Variants in FANCD2 observed in about 807,000 individuals in gnomAD.
FANCD2 encodes the protein FA complementation group D2, also known as Fanconi anemia group D2 protein.
FANCD2 carries 131 observed loss-of-function variants against 192.3 expected under a neutral mutation model. That is an observed-to-expected ratio of 0.68 (90% CI 0.59 to 0.79). The LOEUF is 0.79. Ranked by LOEUF, FANCD2 falls within the 30% of genes least tolerant of loss-of-function variation. The pLI is 0.00. For synonymous variants in FANCD2, 524 were observed against 612.5 expected, an observed-to-expected ratio of 0.86 and a Z score of 2.13; for missense variants, 1,508 against 1,701.6, an observed-to-expected ratio of 0.89 and a Z score of 2.00.
Position 10,052,416 on chromosome 3 carries a change from C to T in FANCD2, c.1575C>T (p.Ser525=). Residue 525 remains serine, a synonymous_variant, in exon 18 of 44, where the codon TCC becomes TCT. Coordinates refer to ENST00000675286, the MANE Select transcript of FANCD2 (RefSeq NM_001018115.3). ...KGILDYLDNI[S]PQQIRKLFYV... is the part of the protein sequence containing the mutation. ...TTTTAGATTATCTGGATAACATATC[C>T]CCTCAGCAAATACGAAAACTCTTCT... 6.2e-7 allele frequency: 1 copy of T among 1,612,798 alleles called. No homozygotes were observed. Among genetic ancestry groups the T allele is most frequent in the Non-Finnish European group, 8.5e-7 (1 of 1,179,058 alleles).
chr3:10,074,553 G>T lies in FANCD2; in HGVS notation c.2739G>T (p.Lys913Asn). 1 of 1,613,744 alleles carries T rather than the reference G, an allele frequency of 6.2e-7. No individual in the cohort carries two copies. Among genetic ancestry groups the T allele is most frequent in the Non-Finnish European group, 8.5e-7 (1 of 1,179,874 alleles). Residue 913 changes from lysine to asparagine, a missense_variant, in exon 29 of 44, where the codon AAG becomes AAT. By Grantham distance (94) the Lys-to-Asn change is moderately conservative (BLOSUM62 0). This residue lies in a region of FANCD2 where 796 missense variants were observed against 879.4 expected (regional missense o/e 0.91). Coordinates refer to ENST00000675286, the MANE Select transcript of FANCD2 (RefSeq NM_001018115.3). The stretch of plus-strand genomic sequence containing the variant: ...AGGAGTTCACAGGGAAGGAAGAAAA[G>T]ACATCATTGTTACTACATAATTCCC... ...LNKEFTGKEE[K>N]TSLLLHNSHA...
chr3:10,063,113 A>G (rs2087615915), intron 20 of FANCD2, among the ~76,000 whole-genome samples: 1 of 152,202 alleles, frequency 6.6e-6, no homozygotes, highest in African/African-American at 2.4e-5. Flanking sequence ...ATGGGGACAA[A>G]TAAGTACATA....
At chr3:10,100,150 A>T (rs1695216948) in intron 43 of FANCD2, among the ~76,000 whole-genome samples, 1 of 152,218 alleles carries the variant, frequency 6.6e-6, no homozygotes, top group African/African-American at 2.4e-5. Context: ...ATCACACTCC[A>T]GCCTGGATGA....
intron 5 of FANCD2, 35 bp from the exon 6 acceptor site, chr3:10,035,138 G>A (rs1366260495): frequency 9.0e-6 from 14 of 1,563,544 alleles, no homozygotes; most frequent in Non-Finnish European, 1.2e-5. Flanking sequence ...AACAAGGAAA[G>A]CAAAGTGGAA....
intron 18 of FANCD2, among the ~76,000 whole-genome samples, chr3:10,058,503 A>T (rs558667715): frequency 1.3e-5 from 2 of 152,224 alleles, no homozygotes; most frequent in South Asian, 4.2e-4. Context: ...ACTTTGTGTT[A>T]ATTTTTGTAT....
At chr3:10,036,899 G>T (rs1474464639) in intron 7 of FANCD2, among the ~76,000 whole-genome samples, 1 of 151,876 alleles carries the variant, frequency 6.6e-6, no homozygotes, top group Non-Finnish European at 1.5e-5. Flanking sequence ...GCCGTAGTAC[G>T]ATCATGGCTC....
intron 16 of FANCD2, among the ~76,000 whole-genome samples, chr3:10,049,077 T>C (rs2087118468): frequency 6.6e-6 from 1 of 152,054 alleles, no homozygotes; most frequent in Admixed American, 6.6e-5. Flanking sequence ...AGGGTAAAAT[T>C]TAACCCATAT....
At position 10,071,824 on chromosome 3, in the gene FANCD2, G is replaced by A. The variant is rs575724746; in HGVS notation, c.2495-1047G>A. ...ACCCAGGCTGGAGTGCAGTGGCACA[G>A]TCTCGGCTTACTGCGACCTCTGCCT... is the stretch of plus-strand genomic sequence containing the variant. On this transcript the variant is annotated intron_variant, in intron 26 of 43. Transcript: ENST00000675286. Among the ~76,000 whole-genome samples the A allele has an allele frequency of 1.7e-4, 26 of 152,060 alleles. No homozygotes were observed. The South Asian group carries it at 5.4e-3, about 32-fold the overall frequency.
At position 10,065,945 on chromosome 3, in the gene FANCD2, C is replaced by A. The variant is rs1398046806; in HGVS notation, c.2351C>A (p.Ser784Tyr). Residue 784 changes from serine (S) to tyrosine (Y), a missense_variant, in exon 25 of 44, where the codon TCT becomes TAT. Physicochemically the swap from Ser to Tyr is moderately radical, Grantham distance 144. Transcript: ENST00000675286. ...MSAKERSFMC[S>Y]LIFLTLNWFR... is the part of the protein sequence containing the mutation. ...GCTAAAGAGCGTTCATTCATGTGTT[C>A]TCTCATATTTCTTACTCTCAACTGG... 3.1e-6 allele frequency: 5 copies of A among 1,612,688 alleles called. No homozygotes were observed. Among genetic ancestry groups the A allele is most frequent in the South Asian group, 1.1e-5 (1 of 91,042 alleles).
At chr3:10,094,176 T>A in intron 39 of FANCD2, 113 bp from the exon 40 acceptor site, 1 of 786,938 alleles carries the variant, frequency 1.3e-6, no homozygotes, top group Non-Finnish European at 2.2e-6. Context: ...AATTTGTTTT[T>A]TATATATATA....
At chr3:10,084,336 G>A (rs1694045248) in intron 32 of FANCD2, among the ~76,000 whole-genome samples, 1 of 148,402 alleles carries the variant, frequency 6.7e-6, no homozygotes, top group Non-Finnish European at 1.5e-5. Context: ...CTGTTGCCCA[G>A]GCTGGAGTGT....
chr3:10,039,933 C>T (rs1271083905), intron 9 of FANCD2, 88 bp downstream of exon 9: 14 of 1,494,278 alleles, frequency 9.4e-6, no homozygotes, highest in African/African-American at 2.8e-5. Flanking sequence ...GTAATATGGT[C>T]TCTTCTATCT....
At chr3:10,053,985 C>A (rs575356431) in intron 18 of FANCD2, among the ~76,000 whole-genome samples, 70 of 152,080 alleles carry the variant, frequency 4.6e-4, no homozygotes, top group Non-Finnish European at 7.2e-4. Context: ...CCAAGGCAGG[C>A]GAATCACATG....
intron 29 of FANCD2, among the ~76,000 whole-genome samples, chr3:10,077,241 GTAAA>G (rs1032085698): frequency 1.3e-5 from 2 of 152,018 alleles, no homozygotes; most frequent in African/African-American, 4.8e-5. Flanking sequence ...TCAAATATAA[GTAAA>G]TAAATAAATA....
At chr3:10,051,899 G>A (rs2087231163) in intron 17 of FANCD2, among the ~76,000 whole-genome samples, 1 of 152,122 alleles carries the variant, frequency 6.6e-6, no homozygotes, top group Non-Finnish European at 1.5e-5. Context: ...TTCCAGATCT[G>A]TAGAGAAAGG....
chr3:10,094,289 T>C lies in FANCD2; in HGVS notation c.3889T>C (p.Tyr1297His). The part of the protein sequence containing the change: ...SHPVLHVCLK[Y>H]GRLFVEAFLK... ...GTAACAGTGTGTCTCTCTTCTTCAG[T>C]ATGGGCGTCTCTTTGTGGAAGCATT... Residue 1297 changes from tyrosine (Y) to histidine (H), a missense_variant and splice_region_variant, in exon 40 of 44, where the codon TAT becomes CAT. Transcript: ENST00000675286. The C allele has an allele frequency of 6.2e-7, 1 of 1,613,782 alleles. No individual in the cohort carries two copies. The highest frequency in any genetic ancestry group is 8.5e-7 in the Non-Finnish European group (1 of 1,179,672).
rs774194804 is a variant in FANCD2 at position 10,092,258 on chromosome 3, T to C, written c.3849+6T>C. On this transcript the variant is annotated splice_donor_region_variant and intron_variant, in intron 38 of 43. Transcript: ENST00000675286. ...TCCTCATCAACTTGATAAAGGTGAG[T>C]ATGGAGACTGCTTGACACATCTCAC... 2 of 1,603,674 alleles carry C rather than the reference T, an allele frequency of 1.2e-6. No homozygotes were observed. Among genetic ancestry groups the C allele is most frequent in the African/African-American group, 2.7e-5 (2 of 74,610 alleles).
At position 10,065,394 on chromosome 3, in the gene FANCD2, A is replaced by G; in HGVS notation, c.2169A>G (p.Lys723=). ...GPVTSQESGQ[K]LVSPLCLAPY... is the part of the protein sequence containing the mutation. ...CTAGAAATTTATTTCTCCTTCTCAG[A>G]TTGGTGTCTCCGCTGTGCCTGGCTC... The change falls in exon 24 of 44, where the codon AAA becomes AAG. Residue 723 remains lysine (K), a splice_region_variant and synonymous_variant. Coordinates refer to ENST00000675286, the MANE Select transcript of FANCD2 (RefSeq NM_001018115.3). 6.2e-7 allele frequency: 1 copy of G among 1,607,416 alleles called. No homozygotes were observed. Among genetic ancestry groups the G allele is most frequent in the Non-Finnish European group, 8.5e-7 (1 of 1,173,912 alleles).
chr3:10,033,325 CGG>C (rs2086648395), intron 3 of FANCD2, among the ~76,000 whole-genome samples: 1 of 152,010 alleles, frequency 6.6e-6, no homozygotes, highest in African/African-American at 2.4e-5. Flanking sequence ...TGCTTGAACC[CGG>C]GAGGTGAAAG....
Sources: gnomAD v4.1 joint callset for allele counts (sites outside exome capture counted in the v4.1 genomes callset) on GRCh38, gnomAD v4.1.1 for gene constraint, gnomAD v4.1.1 regional missense constraint, MANE v1.5 for transcripts, NCBI Gene and HGNC (gene_info 2026-07-23, HGNC 2026-07-21) for gene names.